DCC: variants seen among roughly 807,000 people sequenced by gnomAD.
DCC encodes the protein DCC netrin 1 receptor.
A neutral mutation model predicts 172.5 loss-of-function variants in DCC; 58 were observed. That is an observed-to-expected ratio of 0.34 (90% CI 0.27 to 0.42). The LOEUF is 0.42. Ranked by LOEUF, DCC falls within the 10% of genes least tolerant of loss-of-function variation. The pLI, the probability that DCC is intolerant of heterozygous loss-of-function variation, is 1.00. For synonymous variants in DCC, 709 were observed against 644.5 expected (o/e 1.10, Z -1.52); for missense variants, 1,740 against 1,791.0 (o/e 0.97, Z 0.51).
At chr18:52,937,493 A>G (rs1441541477) in intron 5 of DCC, among the ~76,000 whole-genome samples, 1 of 152,106 alleles carries the variant, frequency 6.6e-6, no homozygotes, top group African/African-American at 2.4e-5. Context: ...TCTCCCCTAA[A>G]ATCAAGAGCA....
chr18:53,144,154 T>C (rs2043871164), intron 7 of DCC, among the ~76,000 whole-genome samples: 1 of 152,234 alleles, frequency 6.6e-6, no homozygotes, highest in South Asian at 2.1e-4. Context: ...TTAATGCTTT[T>C]AATAATATGG....
At chr18:52,578,096 C>A (rs2033457692) in intron 1 of DCC, among the ~76,000 whole-genome samples, 1 of 152,182 alleles carries the variant, frequency 6.6e-6, no homozygotes, top group Admixed American at 6.5e-5. Flanking sequence ...TTTTGCTATT[C>A]CTTCCAACCT....
intron 1 of DCC, among the ~76,000 whole-genome samples, chr18:52,477,189 C>A (rs1321870599): frequency 6.6e-6 from 1 of 152,102 alleles, no homozygotes; most frequent in African/African-American, 2.4e-5. Flanking sequence ...TATCATCAAT[C>A]TCCATCTTCT....
At chr18:52,454,979 C>T (rs2144524321) in intron 1 of DCC, among the ~76,000 whole-genome samples, 1 of 152,200 alleles carries the variant, frequency 6.6e-6, no homozygotes, top group Non-Finnish European at 1.5e-5. Context: ...GCAATTGTTT[C>T]CAATTGCGTT....
intron 3 of DCC, among the ~76,000 whole-genome samples, chr18:52,912,508 C>A (rs1184757242): frequency 6.6e-6 from 1 of 151,986 alleles, no homozygotes; most frequent in Non-Finnish European, 1.5e-5. Flanking sequence ...TTTATTTTCA[C>A]ATCTAAGAGA....
chr18:52,395,254 G>A (rs1986178130), intron 1 of DCC, among the ~76,000 whole-genome samples: 1 of 152,062 alleles, frequency 6.6e-6, no homozygotes. Flanking sequence ...TATTGGCTAG[G>A]AAAGGAGGTG....
chr18:53,410,451 G>C lies in DCC; in HGVS notation c.2936-1G>C. On this transcript the variant is annotated splice_acceptor_variant, in intron 19 of 28. Coordinates refer to ENST00000442544, the MANE Select transcript of DCC (RefSeq NM_005215.4). LOFTEE classifies it high-confidence loss of function. ...TAAGTCACATTTGTCTATTTATGCAGCTTACATCTTATTTTATACCTTGGA... is the reference window on the plus strand; with the variant it reads ...TAAGTCACATTTGTCTATTTATGCACCTTACATCTTATTTTATACCTTGGA... The C allele has an allele frequency of 6.3e-7, 1 of 1,594,482 alleles. No individual in the cohort carries two copies. Among genetic ancestry groups the C allele is most frequent in the South Asian group, 1.1e-5 (1 of 90,620 alleles).
At chr18:52,532,125 A>T (rs1215338707) in intron 1 of DCC, among the ~76,000 whole-genome samples, 1 of 152,156 alleles carries the variant, frequency 6.6e-6, no homozygotes, top group African/African-American at 2.4e-5. Context: ...TTTTGCATGC[A>T]TATTAAGGAC....
intron 9 of DCC, among the ~76,000 whole-genome samples, chr18:53,181,041 A>G (rs72921499): frequency 6.6e-6 from 1 of 152,248 alleles, no homozygotes; most frequent in East Asian, 1.9e-4. Context: ...TATAATACAC[A>G]CACACTATAT....
chr18:53,200,088 C>T (rs776803263), intron 9 of DCC, among the ~76,000 whole-genome samples: 1 of 152,074 alleles, frequency 6.6e-6, no homozygotes, highest in African/African-American at 2.4e-5. Context: ...AGTAAATGAT[C>T]CAGAAGAGTG....
At chr18:53,267,432 C>T (rs566875242) in intron 12 of DCC, among the ~76,000 whole-genome samples, 1 of 152,200 alleles carries the variant, frequency 6.6e-6, no homozygotes, top group East Asian at 1.9e-4. Context: ...GGTGACCCTC[C>T]TGCCTCATCC....
Position 52,852,617 on chromosome 18 carries a change from C to A in DCC, c.413-53427C>A, listed in dbSNP as rs551634970. ...TCCATGAATGTTAAATAGACACTTA[C>A]CAAGTGTCTATTTGGTTAAAATTTG... is the stretch of plus-strand genomic sequence containing the variant. On this transcript the variant is annotated intron_variant, in intron 2 of 28. Transcript: ENST00000442544. 7.6e-5 allele frequency among the ~76,000 whole-genome samples: 11 copies of A among 144,254 alleles called. No homozygotes were observed. In the South Asian group the frequency reaches 1.9e-3, roughly 24 times the overall value. The allele number at this position is 144,254 out of a possible 152,430, so 94.6% of individuals were successfully genotyped here.
intron 27 of DCC, among the ~76,000 whole-genome samples, chr18:53,526,190 C>T (rs2046452926): frequency 6.6e-6 from 1 of 152,132 alleles, no homozygotes; most frequent in Non-Finnish European, 1.5e-5. Context: ...TAGACCAGAG[C>T]AACCATCTCT....
At chr18:52,840,520 T>C (rs934401533) in intron 2 of DCC, among the ~76,000 whole-genome samples, 18 of 152,276 alleles carry the variant, frequency 1.2e-4, no homozygotes, top group Middle Eastern at 3.4e-3. Flanking sequence ...AGCTTGGTAT[T>C]TTTTTCATGG....
intron 1 of DCC, among the ~76,000 whole-genome samples, chr18:52,350,292 C>T (rs1984061452): frequency 6.6e-6 from 1 of 152,190 alleles, no homozygotes; most frequent in Admixed American, 6.5e-5. Flanking sequence ...CAGTTCTGTT[C>T]TTCATGTGGT....
At chr18:53,320,899 G>A (rs1406509505) in intron 13 of DCC, among the ~76,000 whole-genome samples, 1 of 152,100 alleles carries the variant, frequency 6.6e-6, no homozygotes, top group East Asian at 1.9e-4. Flanking sequence ...AAAATTAGAA[G>A]CTTCTTTAGA....
intron 1 of DCC, among the ~76,000 whole-genome samples, chr18:52,542,036 A>C (rs1322613523): frequency 6.7e-6 from 1 of 148,242 alleles, no homozygotes; most frequent in African/African-American, 2.5e-5. Context: ...ATAAATATAT[A>C]TATTTATAAT....
At chr18:52,858,524 T>C (rs1364512623) in intron 2 of DCC, among the ~76,000 whole-genome samples, 1 of 152,180 alleles carries the variant, frequency 6.6e-6, no homozygotes, top group Non-Finnish European at 1.5e-5. Context: ...CATACAATTC[T>C]CCCAGGCTTT....
chr18:53,383,441 C>G (rs1907916866), intron 15 of DCC, among the ~76,000 whole-genome samples: 2 of 150,442 alleles, frequency 1.3e-5, no homozygotes, highest in Admixed American at 1.3e-4. Context: ...TGCAGATTAT[C>G]CTTATCTCTG....
Sources: allele counts gnomAD v4.1 joint callset (sites outside exome capture counted in the v4.1 genomes callset), GRCh38; gene constraint gnomAD v4.1.1; transcripts MANE v1.5; gene names NCBI Gene and HGNC (gene_info 2026-07-23, HGNC 2026-07-21).